STK4: variants seen among roughly 807,000 people sequenced by gnomAD.
The protein encoded by STK4 is serine/threonine-protein kinase 4.
In STK4, 30 loss-of-function variants were observed where a neutral mutation model predicts 64.9. The observed-to-expected ratio is 0.46, with a 90% CI of 0.35 to 0.63. The LOEUF is 0.63. Among genes scored for constraint, STK4 ranks in the 20% least tolerant of loss-of-function variants. The probability of loss-of-function intolerance (pLI) is 0.01; values close to 1 mark genes in which losing one functional copy is unlikely to be tolerated. For missense variants in STK4, 466 were observed against 598.5 expected, an observed-to-expected ratio of 0.78 and a Z score of 2.31; for synonymous variants, 177 against 199.0, an observed-to-expected ratio of 0.89 and a Z score of 0.93.
chr20:45,054,953 T>G (rs1414128858), intron 10 of STK4, among the ~76,000 whole-genome samples: 1 of 152,156 alleles, frequency 6.6e-6, no homozygotes, highest in Non-Finnish European at 1.5e-5. Context: ...CCTTGTGATT[T>G]CTTCTCTCCA....
At chr20:45,049,163 A>G (rs1452791587) in intron 10 of STK4, among the ~76,000 whole-genome samples, 4 of 152,138 alleles carry the variant, frequency 2.6e-5, no homozygotes, top group Admixed American at 2.6e-4. Context: ...CACATTGCAG[A>G]GCATTGGATC....
chr20:44,976,551 C>T (rs1267075848), intron 2 of STK4, among the ~76,000 whole-genome samples: 1 of 152,164 alleles, frequency 6.6e-6, no homozygotes, highest in Non-Finnish European at 1.5e-5. Flanking sequence ...GACTTCTCAG[C>T]CACAGTCGAT....
chr20:44,989,726 T>C (rs973380931), intron 5 of STK4, among the ~76,000 whole-genome samples: 2 of 152,210 alleles, frequency 1.3e-5, no homozygotes, highest in Non-Finnish European at 2.9e-5. Context: ...CTAGCTCTTA[T>C]GTTTAGATCT....
At chr20:44,997,627 G>T (rs1397718383) in intron 7 of STK4, among the ~76,000 whole-genome samples, 1 of 152,212 alleles carries the variant, frequency 6.6e-6, no homozygotes, top group African/African-American at 2.4e-5. Flanking sequence ...ATCCCAGGAG[G>T]TTGAGGCCGC....
At chr20:45,055,285 A>G (rs1039828244) in intron 10 of STK4, among the ~76,000 whole-genome samples, 2 of 152,066 alleles carry the variant, frequency 1.3e-5, no homozygotes, top group African/African-American at 4.8e-5. Context: ...TTAACAATCT[A>G]CTCATTCCAC....
intron 10 of STK4, among the ~76,000 whole-genome samples, chr20:45,043,880 A>G (rs773191525): frequency 1.3e-5 from 2 of 152,096 alleles, no homozygotes; most frequent in Non-Finnish European, 2.9e-5. Context: ...TTCTTGAAAC[A>G]TTGTCCATGG....
chr20:45,028,366 T>A (rs1487311749), intron 10 of STK4, among the ~76,000 whole-genome samples: 1 of 151,484 alleles, frequency 6.6e-6, no homozygotes, highest in Admixed American at 6.6e-5. Flanking sequence ...TTGCTTATTC[T>A]CCCAGGCTGG....
chr20:44,968,829 C>T (rs1305983308), intron 1 of STK4, among the ~76,000 whole-genome samples: 1 of 152,142 alleles, frequency 6.6e-6, no homozygotes. Flanking sequence ...AGTAGATTGC[C>T]TAATTTGAAG....
chr20:45,011,149 T>A (rs911948875), intron 9 of STK4, among the ~76,000 whole-genome samples: 3 of 152,200 alleles, frequency 2.0e-5, no homozygotes, highest in African/African-American at 7.2e-5. Context: ...TTGTTGTTTT[T>A]GTTTTTGAAT....
rs188328481 is a variant in STK4, at chr20:44,980,959, C to T, written c.246-870C>T. On this transcript the variant is annotated intron_variant, in intron 3 of 10. Transcript: ENST00000372806. ...CTGGGATTACAGATGTGAGCCACTG[C>T]GCCTGGCTGAAATCATCATTCTTAA... Among the ~76,000 whole-genome samples the T allele has an allele frequency of 1.7e-4, 26 of 152,236 alleles. 1 individual carries two copies. The East Asian group carries it at 4.1e-3, about 24-fold the overall frequency.
intron 9 of STK4, among the ~76,000 whole-genome samples, chr20:45,022,824 G>T (rs902419620): frequency 2.0e-5 from 3 of 152,068 alleles, no homozygotes; most frequent in Non-Finnish European, 4.4e-5. Flanking sequence ...TCCAGAAGTC[G>T]CCATTTTTAT....
intron 9 of STK4, among the ~76,000 whole-genome samples, chr20:45,010,955 T>C (rs1343203957): frequency 6.6e-6 from 1 of 152,184 alleles, no homozygotes; most frequent in Non-Finnish European, 1.5e-5. Context: ...AGGAGTCAGA[T>C]TGCAGTTGGA....
chr20:44,981,726 T>C (rs947069896), intron 3 of STK4, 103 bp from the exon 4 acceptor site: 1 of 657,596 alleles, frequency 1.5e-6, no homozygotes. Context: ...CTATGAATAA[T>C]TGATCTTTCC....
chr20:45,062,843 AT>A (rs35335969), intron 10 of STK4, among the ~76,000 whole-genome samples: 19,752 of 106,284 alleles, frequency 0.19, 1,270 homozygotes, highest in African/African-American at 0.22. Flanking sequence ...ACGCCCGGCT[AT>A]TTTTTTTTTT....
chr20:44,973,013 G>A (rs548621972), intron 2 of STK4: 2 of 152,004 alleles, frequency 1.3e-5, no homozygotes, highest in South Asian at 4.2e-4. Context: ...ATGTGTGTGC[G>A]AGCGCACACT....
intron 10 of STK4, among the ~76,000 whole-genome samples, chr20:45,061,812 G>A (rs1979037032): frequency 7.2e-6 from 1 of 139,366 alleles, no homozygotes; most frequent in Non-Finnish European, 1.6e-5. Flanking sequence ...TCATGTTTTT[G>A]TTGTTTAGAT....
intron 10 of STK4, among the ~76,000 whole-genome samples, chr20:45,063,673 T>C (rs1432035101): frequency 6.6e-6 from 1 of 152,198 alleles, no homozygotes; most frequent in African/African-American, 2.4e-5. Context: ...TGCCAGGTCC[T>C]ATGTCCAGAG....
At chr20:45,058,782 T>A (rs2145454487) in intron 10 of STK4, among the ~76,000 whole-genome samples, 1 of 152,348 alleles carries the variant, frequency 6.6e-6, no homozygotes, top group Middle Eastern at 3.4e-3. Context: ...TTTTAGGTTT[T>A]CATACCTTCT....
At chr20:44,968,626 A>G (rs1331179741) in intron 1 of STK4, among the ~76,000 whole-genome samples, 11 of 152,192 alleles carry the variant, frequency 7.2e-5, no homozygotes, top group Non-Finnish European at 1.5e-4. Context: ...GGTTTAATTG[A>G]AAAGAGGATT....
Sources: gnomAD v4.1 joint callset for allele counts (sites outside exome capture counted in the v4.1 genomes callset) on GRCh38, gnomAD v4.1.1 for gene constraint, MANE v1.5 for transcripts, NCBI Gene and HGNC (gene_info 2026-07-23, HGNC 2026-07-21) for gene names.